SIPA1L1: variants seen among roughly 807,000 people sequenced by gnomAD.
SIPA1L1 encodes signal induced proliferation associated 1 like 1.
A neutral mutation model predicts 162.7 loss-of-function variants in SIPA1L1; 26 were observed. The ratio of observed to expected loss-of-function variants is 0.16; its 90% CI spans 0.12 to 0.22. The LOEUF is 0.22. Among genes scored for constraint, SIPA1L1 ranks in the 10% least tolerant of loss-of-function variants. SIPA1L1 has a pLI of 1.00. For missense variants in SIPA1L1, 1,874 were observed against 2,241.0 expected, an observed-to-expected ratio of 0.84 and a Z score of 3.31; for synonymous variants, 829 against 837.4, an observed-to-expected ratio of 0.99 and a Z score of 0.17.
intron 4 of SIPA1L1, among the ~76,000 whole-genome samples, chr14:71,577,730 CTTTTTTT>C (rs5809525): frequency 1.1e-4 from 11 of 97,160 alleles, no homozygotes; most frequent in Admixed American, 4.4e-4. Flanking sequence ...TTGGGCATGC[CTTTTTTT>C]TTTTTTTTTT....
chr14:71,419,054 T>C (rs757721454), intron 2 of SIPA1L1, among the ~76,000 whole-genome samples: 37 of 152,148 alleles, frequency 2.4e-4, no homozygotes, highest in Non-Finnish European at 4.4e-4. Context: ...CCGCCTGATA[T>C]CAGCCTCTCA....
At chr14:71,520,841 C>T (rs1021741299) in intron 3 of SIPA1L1, among the ~76,000 whole-genome samples, 5 of 152,216 alleles carry the variant, frequency 3.3e-5, no homozygotes, top group African/African-American at 1.2e-4. Flanking sequence ...CAGCCTCCAT[C>T]TCCCAGGCTC....
At chr14:71,695,564 A>G (rs992649166) in intron 13 of SIPA1L1, among the ~76,000 whole-genome samples, 1 of 152,234 alleles carries the variant, frequency 6.6e-6, no homozygotes, top group Admixed American at 6.5e-5. Flanking sequence ...CTTTGGAATT[A>G]TGTTGTAACT....
At chr14:71,351,847 C>T (rs985760686) in intron 2 of SIPA1L1, among the ~76,000 whole-genome samples, 12 of 151,922 alleles carry the variant, frequency 7.9e-5, no homozygotes, top group African/African-American at 2.7e-4. Context: ...CTACTATCTT[C>T]CAGGTGTTAT....
intron 2 of SIPA1L1, among the ~76,000 whole-genome samples, chr14:71,346,886 A>G (rs558700638): frequency 6.6e-6 from 1 of 151,766 alleles, no homozygotes; most frequent in Admixed American, 6.6e-5. Context: ...CTAAGCAACC[A>G]CTAACCTACT....
chr14:71,450,513 A>G (rs1471012859), intron 2 of SIPA1L1, among the ~76,000 whole-genome samples: 2 of 152,220 alleles, frequency 1.3e-5, no homozygotes, highest in African/African-American at 4.8e-5. Flanking sequence ...TGTTGATGAA[A>G]ACTTTTCTAG....
At chr14:71,514,958 CT>C (rs2051560537) in intron 3 of SIPA1L1, among the ~76,000 whole-genome samples, 1 of 152,192 alleles carries the variant, frequency 6.6e-6, no homozygotes, top group African/African-American at 2.4e-5. Context: ...AAAAACATTT[CT>C]GTTCTTAGTG....
At chr14:71,505,197 TC>T (rs2050560754) in intron 2 of SIPA1L1, among the ~76,000 whole-genome samples, 1 of 152,174 alleles carries the variant, frequency 6.6e-6, no homozygotes, top group Non-Finnish European at 1.5e-5. Flanking sequence ...ACAATTTATT[TC>T]CCCGCATTGC....
chr14:71,334,886 T>G (rs1308642439), intron 2 of SIPA1L1, among the ~76,000 whole-genome samples: 1 of 152,244 alleles, frequency 6.6e-6, no homozygotes, highest in African/African-American at 2.4e-5. Context: ...AGTCTTGTAT[T>G]TTTATCAGTG....
intron 2 of SIPA1L1, among the ~76,000 whole-genome samples, chr14:71,413,623 G>A (rs2042561510): frequency 6.6e-6 from 1 of 152,122 alleles, no homozygotes; most frequent in African/African-American, 2.4e-5. Flanking sequence ...TGTAATCCCA[G>A]CTACTCAGGA....
intron 12 of SIPA1L1, among the ~76,000 whole-genome samples, chr14:71,676,418 G>A (rs990039767): frequency 6.6e-5 from 10 of 151,256 alleles, no homozygotes; most frequent in African/African-American, 2.4e-4. Context: ...GAAAGGACAG[G>A]GACAGTATAG....
At chr14:71,432,831 G>T (rs2140992548) in intron 2 of SIPA1L1, among the ~76,000 whole-genome samples, 1 of 152,218 alleles carries the variant, frequency 6.6e-6, no homozygotes, top group Admixed American at 6.5e-5. Context: ...ACATTCATTT[G>T]CGAACTGCTT....
intron 2 of SIPA1L1, among the ~76,000 whole-genome samples, chr14:71,385,146 C>A (rs1297575683): frequency 6.6e-6 from 1 of 152,134 alleles, no homozygotes; most frequent in African/African-American, 2.4e-5. Context: ...TACCGATGCC[C>A]CAGATTAAAA....
intron 7 of SIPA1L1, among the ~76,000 whole-genome samples, chr14:71,626,204 ATCAG>A (rs988662984): frequency 3.3e-5 from 5 of 152,204 alleles, no homozygotes; most frequent in Admixed American, 6.5e-5. Flanking sequence ...AAATTTGGCA[ATCAG>A]TCAGTCTCTT....
chr14:71,435,781 C>G (rs1040117785), intron 2 of SIPA1L1, among the ~76,000 whole-genome samples: 1 of 152,234 alleles, frequency 6.6e-6, no homozygotes, highest in Middle Eastern at 3.2e-3. Context: ...AACTAGTTTA[C>G]AGTCCCACCA....
chr14:71,360,436 A>G (rs1251410034), intron 2 of SIPA1L1, among the ~76,000 whole-genome samples: 4 of 152,196 alleles, frequency 2.6e-5, no homozygotes, highest in South Asian at 2.1e-4. Context: ...TCACACAGCT[A>G]GTTAACGGCA....
At chr14:71,424,042 C>A (rs2043382953) in intron 2 of SIPA1L1, among the ~76,000 whole-genome samples, 1 of 151,834 alleles carries the variant, frequency 6.6e-6, no homozygotes, top group Admixed American at 6.6e-5. Flanking sequence ...GTATTTTATT[C>A]TTTTGATGCG....
intron 2 of SIPA1L1, among the ~76,000 whole-genome samples, chr14:71,507,349 A>T (rs2050758999): frequency 6.6e-6 from 1 of 152,182 alleles, no homozygotes; most frequent in African/African-American, 2.4e-5. Context: ...ATTTTGTCAT[A>T]TGATAATTCT....
At position 71,699,137 on chromosome 14, in the gene SIPA1L1, C is replaced by T. The variant is rs141435585; in HGVS notation, c.3521+10C>T. ...AGTCCATGCCCGAAGGGTAGTTATG[C>T]GTTTGTCCCATTGTACATGGTCCCT... On this transcript the variant is annotated intron_variant, in intron 14 of 23. Transcript: ENST00000381232. The T allele has an allele frequency of 2.7e-3, 4,433 of 1,613,514 alleles. 14 individuals carry two copies. The highest frequency in any genetic ancestry group is 9.7e-3 in the Middle Eastern group (59 of 6,058).
Sources: allele counts gnomAD v4.1 joint callset (sites outside exome capture counted in the v4.1 genomes callset), GRCh38; gene constraint gnomAD v4.1.1; transcripts MANE v1.5; gene names NCBI Gene and HGNC (gene_info 2026-07-23, HGNC 2026-07-21).